The following PRDX1 variants were observed in gnomAD, a reference collection of about 807,000 sequenced individuals.
The protein encoded by PRDX1 is peroxiredoxin 1.
Under a neutral mutation model 20.7 loss-of-function variants are expected in PRDX1, and 19 were observed. That is an observed-to-expected ratio of 0.92 (90% CI 0.64 to 1.35). The LOEUF (loss-of-function observed/expected upper bound fraction) is 1.35, where lower values mean the gene tolerates loss of function less well. Ranked by LOEUF, PRDX1 falls within the 40% of genes most tolerant of loss-of-function variation. PRDX1 has a pLI of 0.00. For synonymous variants in PRDX1, 89 were observed against 83.9 expected (o/e 1.06, Z -0.33); for missense variants, 226 against 240.0 (o/e 0.94, Z 0.38).
Position 45,514,525 on chromosome 1 carries a change from T to A in PRDX1, c.496A>T (p.Thr166Ser). 1 of 1,614,104 alleles carries A rather than the reference T, an allele frequency of 6.2e-7. No individual in the cohort carries two copies. Among genetic ancestry groups the A allele is most frequent in the Middle Eastern group, 1.7e-4 (1 of 6,060 alleles). The change falls in exon 5 of 6, where the codon ACT becomes TCT. Residue 166 changes from threonine (T) to serine (S), a missense_variant. By Grantham distance (58) the Thr-to-Ser change is moderately conservative. Coordinates refer to ENST00000319248, the MANE Select transcript of PRDX1 (RefSeq NM_181697.3). ...GGCTTACCTTCCCCATGTTTGTCAGTGAACTGGAAGGCCTGAACTAGTCTC... is the reference window on the plus strand; with the variant it reads ...GGCTTACCTTCCCCATGTTTGTCAGAGAACTGGAAGGCCTGAACTAGTCTC... ...TLRLVQAFQF[T>S]DKHGEVCPAG... is the part of the protein sequence containing the mutation.
chr1:45,515,624 T>TAAAAAAAAAAAAAAAAAA (rs1643846863), intron 3 of PRDX1, 30 bp downstream of exon 3: 1 of 1,178,130 alleles, frequency 8.5e-7, no homozygotes, highest in African/African-American at 2.0e-5. Context: ...AAAAAAAAAG[T>TAAAAAAAAAAAAAAAAAA]TCACATGCCA....
chr1:45,514,410 C>G, intron 5 of PRDX1, 97 bp downstream of exon 5: 1 of 1,446,028 alleles, frequency 6.9e-7, no homozygotes, highest in Non-Finnish European at 9.5e-7. Flanking sequence ...TTCCAAGTCT[C>G]TCATTCCACC....
intron 3 of PRDX1, 136 bp downstream of exon 3, chr1:45,515,518 G>C (rs1327549563): frequency 2.6e-5 from 24 of 921,344 alleles, no homozygotes; most frequent in Admixed American, 3.4e-5. Flanking sequence ...AGAATGGCGT[G>C]AAACTGGGAG....
intron 3 of PRDX1, 88 bp from the exon 4 acceptor site, chr1:45,515,083 T>C: frequency 6.5e-7 from 1 of 1,537,156 alleles, no homozygotes; most frequent in Non-Finnish European, 8.8e-7. Flanking sequence ...ATTCCTAATC[T>C]AACTTTCCAA....
chr1:45,521,878 A>G lies in PRDX1; in HGVS notation c.-61T>C, dbSNP rs1643917575. On this transcript the variant is annotated 5_prime_UTR_variant, in exon 1 of 6. Coordinates refer to ENST00000319248, the MANE Select transcript of PRDX1 (RefSeq NM_181697.3). ...CTAACCACCGACACCAGGCAAGAAC[A>G]AGACGCGCAAGAGCTCTCCGGGGCG... is the stretch of plus-strand genomic sequence containing the variant. 6.5e-6 allele frequency: 1 copy of G among 152,706 alleles called. No individual in the cohort carries two copies. The highest frequency in any genetic ancestry group is 1.5e-5 in the Non-Finnish European group (1 of 68,424). The allele number at this position is 152,706 out of a possible 1,614,324, so 9.5% of individuals were successfully genotyped here. A position where few individuals can be genotyped will look rare whatever the true frequency, so the allele number is the denominator to read the frequency against.
Position 45,514,555 on chromosome 1 carries a change from T to G in PRDX1, c.466A>C (p.Thr156Pro). The change falls in exon 5 of 6, where the codon ACT becomes CCT. Residue 156 changes from threonine to proline, a missense_variant. Coordinates refer to ENST00000319248, the MANE Select transcript of PRDX1 (RefSeq NM_181697.3). ...DLPVGRSVDETLRLVQAFQFT... is the reference protein window; with the variant it reads ...DLPVGRSVDEPLRLVQAFQFT... ...TGGAAGGCCTGAACTAGTCTCAAAG[T>G]CTCATCCACAGAGCGGCCAACAGGG... 1 of 1,614,010 alleles carries G rather than the reference T, an allele frequency of 6.2e-7. No homozygotes were observed. The highest frequency in any genetic ancestry group is 8.5e-7 in the Non-Finnish European group (1 of 1,179,962).
chr1:45,514,213 G>GT (rs1445567913), intron 5 of PRDX1, among the ~76,000 whole-genome samples: 2 of 151,994 alleles, frequency 1.3e-5, no homozygotes, highest in African/African-American at 4.8e-5. Context: ...CTTTGTTCAC[G>GT]TGTTTATCTG....
At chr1:45,514,382 C>CTT in intron 5 of PRDX1, 125 bp downstream of exon 5, 1 of 1,239,046 alleles carries the variant, frequency 8.1e-7, no homozygotes, top group Non-Finnish European at 1.1e-6. Flanking sequence ...TTTCTCTATA[C>CTT]TTTGTCTACG....
Position 45,521,854 on chromosome 1 carries a change from T to A in PRDX1, c.-37A>T, listed in dbSNP as rs916544796. 6.6e-6 allele frequency: 1 copy of A among 152,632 alleles called. No individual in the cohort carries two copies. Among genetic ancestry groups the A allele is most frequent in the Non-Finnish European group, 1.5e-5 (1 of 68,428 alleles). 9.5% of individuals were successfully genotyped at this position (152,632 alleles called of 1,614,324 possible). On this transcript the variant is annotated 5_prime_UTR_variant, in exon 1 of 6. Coordinates refer to ENST00000319248, the MANE Select transcript of PRDX1 (RefSeq NM_181697.3). ...CAGTCCCAACACAAGTCGCAGAAAC[T>A]AACCACCGACACCAGGCAAGAACAA...
At chr1:45,520,658 A>G (rs1643902879) in intron 1 of PRDX1, among the ~76,000 whole-genome samples, 3 of 136,680 alleles carry the variant, frequency 2.2e-5, no homozygotes, top group African/African-American at 8.4e-5. Context: ...CGGGAGGCGG[A>G]GGCTGCAGTG....
intron 3 of PRDX1, 91 bp from the exon 4 acceptor site, chr1:45,515,086 C>T (rs1397845735): frequency 2.0e-6 from 3 of 1,533,902 alleles, no homozygotes; most frequent in Non-Finnish European, 2.6e-6. Context: ...CCTAATCTAA[C>T]TTTCCAAAAA....
upstream of PRDX1, among the ~76,000 whole-genome samples, chr1:45,522,558 G>A (rs1643923576): frequency 6.6e-6 from 1 of 152,012 alleles, no homozygotes; most frequent in African/African-American, 2.4e-5. Flanking sequence ...GACCCACACG[G>A]TAAGGCAAAA....
chr1:45,513,390 A>G (rs1207510194), intron 5 of PRDX1: 2 of 152,204 alleles, frequency 1.3e-5, no homozygotes, highest in African/African-American at 4.8e-5. Context: ...CTCCTTCCCA[A>G]GCTTTTCCAT....
intron 5 of PRDX1, 146 bp from the exon 6 acceptor site, chr1:45,511,560 G>T: frequency 1.9e-6 from 1 of 516,346 alleles, no homozygotes; most frequent in Non-Finnish European, 3.4e-6. Context: ...CACCCTTTTA[G>T]TATGAGCTAA....
intron 1 of PRDX1, among the ~76,000 whole-genome samples, 193 bp from the exon 2 acceptor site, chr1:45,519,247 AC>A (rs1280482150): frequency 6.6e-6 from 1 of 152,264 alleles, no homozygotes; most frequent in East Asian, 1.9e-4. Flanking sequence ...AACTTTTGGA[AC>A]GAAACAAGTC....
At chr1:45,511,735 A>G (rs983519904) in intron 5 of PRDX1, 1 of 207,448 alleles carries the variant, frequency 4.8e-6, no homozygotes, top group African/African-American at 2.3e-5. Context: ...AATAAACGAC[A>G]CACATAGGAC....
chr1:45,512,108 T>TCC (rs1643762713), intron 5 of PRDX1: 2 of 113,324 alleles, frequency 1.8e-5, no homozygotes, highest in East Asian at 6.3e-4. Flanking sequence ...AGATGGAGTC[T>TCC]CCCTCTGTTG....
At chr1:45,521,038 A>G (rs1643907519) in intron 1 of PRDX1, among the ~76,000 whole-genome samples, 1 of 152,242 alleles carries the variant, frequency 6.6e-6, no homozygotes, top group African/African-American at 2.4e-5. Context: ...GTTTTTTAAA[A>G]AGTCCTTAAC....
chr1:45,515,558 C>G, intron 3 of PRDX1, 96 bp downstream of exon 3: 2 of 1,241,554 alleles, frequency 1.6e-6, no homozygotes, highest in Non-Finnish European at 2.2e-6. Context: ...GAGATCACAC[C>G]ACTGCACTCC....
Sources: gnomAD v4.1 joint callset for allele counts (sites outside exome capture counted in the v4.1 genomes callset) on GRCh38, gnomAD v4.1.1 for gene constraint, MANE v1.5 for transcripts, NCBI Gene and HGNC (gene_info 2026-07-23, HGNC 2026-07-21) for gene names.